The following NHS variants were observed in gnomAD, a reference collection of about 807,000 sequenced individuals.
NHS encodes the protein actin remodeling regulator NHS.
A neutral mutation model predicts 72.5 loss-of-function variants in NHS; 5 were observed. That is an observed-to-expected ratio of 0.07 (90% CI 0.04 to 0.14). The LOEUF is 0.14. Ranked by LOEUF, NHS falls within the 10% of genes least tolerant of loss-of-function variation. The probability of loss-of-function intolerance (pLI) is 1.00; values close to 1 mark genes in which losing one functional copy is unlikely to be tolerated. For synonymous variants in NHS, 464 were observed against 547.7 expected (o/e 0.85, Z 2.13); for missense variants, 1,072 against 1,355.7 (o/e 0.79, Z 3.29).
chrX:17,423,387 C>T lies in NHS; in HGVS notation c.565+47065C>T, dbSNP rs184837037. Among the ~76,000 whole-genome samples the T allele has an allele frequency of 3.6e-5, 4 of 111,653 alleles. No individual in the cohort carries two copies. In the Admixed American group the frequency reaches 3.8e-4, roughly 11 times the overall value. On this transcript the variant is annotated intron_variant, in intron 1 of 8. Coordinates refer to ENST00000676302, the MANE Select transcript of NHS (RefSeq NM_001291867.2). ...CTTAGAAGAAGACTTGAGCAGGCAT[C>T]TCCTCCTCCTCCATCTAAGCTTCAA... is the stretch of plus-strand genomic sequence containing the variant.
chrX:17,551,656 C>A (rs2065337166), intron 1 of NHS, among the ~76,000 whole-genome samples: 1 of 112,016 alleles, frequency 8.9e-6, no homozygotes, highest in South Asian at 3.8e-4. Context: ...GCTGCCGGTC[C>A]CATAAATGGT....
Position 17,615,092 on chromosome X carries a change from G to A in NHS, c.566-72650G>A, listed in dbSNP as rs866493717. The stretch of plus-strand genomic sequence containing the variant: ...TTCATACATATATATATATATGTGT[G>A]TATATATATATGTATATATATATAT... On this transcript the variant is annotated intron_variant, in intron 1 of 8. Transcript: ENST00000676302. Among the ~76,000 whole-genome samples, 10 of 94,261 alleles carry A rather than the reference G, an allele frequency of 1.1e-4. No homozygotes were observed. The Middle Eastern group carries it at 0.022, about 207-fold the overall frequency. The allele number at this position is 94,261 out of a possible 115,157, so 81.9% of individuals were successfully genotyped here.
intron 3 of NHS, among the ~76,000 whole-genome samples, chrX:17,692,887 G>A: frequency 9.0e-6 from 1 of 110,811 alleles, no homozygotes; most frequent in East Asian, 2.9e-4. Context: ...GGCATGTAAA[G>A]TGCTTAGCCC....
At chrX:17,546,101 C>T (rs2065291747) in intron 1 of NHS, among the ~76,000 whole-genome samples, 1 of 111,995 alleles carries the variant, frequency 8.9e-6, no homozygotes, top group Admixed American at 9.4e-5. Flanking sequence ...GGAAGTGCTG[C>T]CTGGCTAGTG....
chrX:17,377,239 G>A lies in NHS; in HGVS notation c.565+917G>A, dbSNP rs144714713. Among the ~76,000 whole-genome samples, 896 of 112,564 alleles carry A rather than the reference G, an allele frequency of 8.0e-3. 10 individuals are homozygous for A. Among genetic ancestry groups the A allele is most frequent in the African/African-American group, 0.028 (854 of 31,035 alleles). ...AAGGAAGTCTGGGAGACCCCTGGGC[G>A]TCTTTGCTGTCCGTTGACTTCGCTT... On this transcript the variant is annotated intron_variant, in intron 1 of 8. Transcript: ENST00000676302.
chrX:17,512,998 C>T (rs751044453), intron 1 of NHS, among the ~76,000 whole-genome samples: 1 of 112,023 alleles, frequency 8.9e-6, no homozygotes, highest in African/African-American at 3.2e-5. Flanking sequence ...TACCTGGTCT[C>T]ACCTACTCAT....
At chrX:17,573,015 C>G (rs1313459633) in intron 1 of NHS, among the ~76,000 whole-genome samples, 1 of 112,355 alleles carries the variant, frequency 8.9e-6, no homozygotes. Flanking sequence ...CCCCCACTCT[C>G]TTCTGGCTTG....
intron 1 of NHS, among the ~76,000 whole-genome samples, chrX:17,378,965 C>T (rs1431570676): frequency 4.5e-5 from 5 of 111,471 alleles, no homozygotes; most frequent in Admixed American, 9.5e-5. Flanking sequence ...AGCTGTGGGT[C>T]GGTCACTAGC....
chrX:17,636,234 G>A (rs894235380), intron 1 of NHS, among the ~76,000 whole-genome samples: 1 of 112,182 alleles, frequency 8.9e-6, no homozygotes, highest in Non-Finnish European at 1.9e-5. Flanking sequence ...CCAACCTCTC[G>A]TTTCTGTTAC....
chrX:17,409,390 T>TTA (rs2064546410), intron 1 of NHS, among the ~76,000 whole-genome samples: 1 of 102,749 alleles, frequency 9.7e-6, no homozygotes, highest in African/African-American at 3.4e-5. Context: ...TTTTTTTTTT[T>TTA]AAATTACTAT....
intron 1 of NHS, among the ~76,000 whole-genome samples, chrX:17,481,953 A>G (rs2064947635): frequency 8.9e-6 from 1 of 112,174 alleles, no homozygotes; most frequent in Non-Finnish European, 1.9e-5. Context: ...TATTATGTCT[A>G]TGACATTCAT....
At chrX:17,655,172 G>T (rs1382050983) in intron 1 of NHS, among the ~76,000 whole-genome samples, 5 of 111,941 alleles carry the variant, frequency 4.5e-5, no homozygotes, top group African/African-American at 1.6e-4. Flanking sequence ...CCACCCTCTT[G>T]CCCGGGCTGG....
chrX:17,439,131 G>A (rs1174211667), intron 1 of NHS, among the ~76,000 whole-genome samples: 70 of 60,500 alleles, frequency 1.2e-3, no homozygotes, highest in Non-Finnish European at 1.9e-3. Flanking sequence ...GGGGGGTGGG[G>A]CATGTGCCCA....
intron 1 of NHS, among the ~76,000 whole-genome samples, chrX:17,685,354 A>G (rs2066155882): frequency 8.9e-6 from 1 of 111,947 alleles, no homozygotes; most frequent in Non-Finnish European, 1.9e-5. Context: ...AGAAAGAAAA[A>G]GATTTTGGAA....
chrX:17,546,810 C>T (rs1044608625), intron 1 of NHS, among the ~76,000 whole-genome samples: 4 of 112,469 alleles, frequency 3.6e-5, no homozygotes, highest in African/African-American at 1.3e-4. Context: ...TAGCTTTTCT[C>T]ATTGAAGAAA....
Position 17,608,947 on chromosome X carries a change from C to T in NHS, c.566-78795C>T, listed in dbSNP as rs543294415. On this transcript the variant is annotated intron_variant, in intron 1 of 8. Transcript: ENST00000676302. ...AAAGACGGAATCAGATATAAAATAC[C>T]CTTCACTGAGATCCTGGCTGTTGGG... 7.2e-5 allele frequency among the ~76,000 whole-genome samples: 8 copies of T among 111,827 alleles called. No homozygotes were observed. The South Asian group carries it at 3.0e-3, about 41-fold the overall frequency.
chrX:17,545,995 A>C (rs1438683781), intron 1 of NHS, among the ~76,000 whole-genome samples: 2 of 112,303 alleles, frequency 1.8e-5, no homozygotes, highest in Non-Finnish European at 3.8e-5. Context: ...GAAAGCAGAG[A>C]ACACCCTTAA....
chrX:17,647,282 A>T (rs994793816), intron 1 of NHS, among the ~76,000 whole-genome samples: 1 of 112,478 alleles, frequency 8.9e-6, no homozygotes, highest in African/African-American at 3.2e-5. Flanking sequence ...ATTTTTTCTG[A>T]TTATAATAAA....
rs765423925 is a variant in NHS at position 17,516,571 on chromosome X, GCACACACACACACA to G, written c.565+140271_565+140284del. Among the ~76,000 whole-genome samples the G allele has an allele frequency of 8.0e-3, 733 of 91,765 alleles. 8 individuals carry two copies. The highest frequency in any genetic ancestry group is 0.03 in the African/African-American group (694 of 23,312). The allele number at this position is 91,765 out of a possible 115,157, so 79.7% of individuals were successfully genotyped here. ...TTTAACTTACAACACACACACACGC[GCACACACACACACA>G]CACACACACACACACACACACGAAG... On this transcript the variant is annotated intron_variant, in intron 1 of 8. Coordinates refer to ENST00000676302, the MANE Select transcript of NHS (RefSeq NM_001291867.2).
Sources: gnomAD v4.1 joint callset for allele counts (sites outside exome capture counted in the v4.1 genomes callset) on GRCh38, gnomAD v4.1.1 for gene constraint, MANE v1.5 for transcripts, NCBI Gene and HGNC (gene_info 2026-07-23, HGNC 2026-07-21) for gene names.